The following CDH12 variants were observed in gnomAD, a reference collection of about 807,000 sequenced individuals.
CDH12 encodes cadherin 12.
A neutral mutation model predicts 74.1 loss-of-function variants in CDH12; 41 were observed. That is an observed-to-expected ratio of 0.55 (90% CI 0.43 to 0.72). The LOEUF (loss-of-function observed/expected upper bound fraction) is 0.72, where lower values mean the gene tolerates loss of function less well. CDH12 is among the 30% of genes least tolerant of loss of function. The probability of loss-of-function intolerance (pLI) is 0.00; values close to 1 mark genes in which losing one functional copy is unlikely to be tolerated. For synonymous variants in CDH12, 399 were observed against 355.0 expected (o/e 1.12, Z -1.39); for missense variants, 945 against 977.2 (o/e 0.97, Z 0.44).
intron 4 of CDH12, among the ~76,000 whole-genome samples, chr5:22,191,877 T>C (rs1161185640): frequency 4.6e-5 from 7 of 152,020 alleles, no homozygotes; most frequent in Admixed American, 4.6e-4. Context: ...CAATGGTCTT[T>C]AAAGAACAGA....
intron 1 of CDH12, among the ~76,000 whole-genome samples, chr5:22,798,407 A>G (rs1393905833): frequency 6.6e-6 from 1 of 152,158 alleles, no homozygotes; most frequent in Non-Finnish European, 1.5e-5. Context: ...TTTAAATTTT[A>G]CAAACAGTGC....
intron 1 of CDH12, among the ~76,000 whole-genome samples, chr5:22,600,838 C>T (rs533650217): frequency 6.6e-6 from 1 of 152,112 alleles, no homozygotes; most frequent in East Asian, 1.9e-4. Flanking sequence ...AAATGTGTGA[C>T]TTACAGTAAT....
intron 1 of CDH12, among the ~76,000 whole-genome samples, chr5:22,775,082 A>G (rs1213554241): frequency 6.6e-6 from 1 of 151,610 alleles, no homozygotes; most frequent in Non-Finnish European, 1.5e-5. Context: ...TATATATTAT[A>G]TAACACACAC....
At chr5:22,731,503 A>G (rs964195701) in intron 1 of CDH12, among the ~76,000 whole-genome samples, 1 of 151,898 alleles carries the variant, frequency 6.6e-6, no homozygotes, top group African/African-American at 2.4e-5. Context: ...ATTAGTAGAT[A>G]CACATCTTTC....
intron 3 of CDH12, among the ~76,000 whole-genome samples, chr5:22,353,308 A>C (rs985165241): frequency 6.6e-6 from 1 of 152,198 alleles, no homozygotes; most frequent in Non-Finnish European, 1.5e-5. Context: ...ATTACAGAGA[A>C]TGACTGAACC....
intron 2 of CDH12, among the ~76,000 whole-genome samples, chr5:22,472,865 C>A (rs1443898090): frequency 6.6e-6 from 1 of 152,106 alleles, no homozygotes. Context: ...TATTCAGGAA[C>A]CAGGGACATC....
intron 4 of CDH12, among the ~76,000 whole-genome samples, chr5:22,101,103 A>G (rs189420250): frequency 8.5e-4 from 130 of 152,292 alleles, no homozygotes; most frequent in African/African-American, 3.0e-3. Context: ...TGACGCACCA[A>G]GAAAATAAAA....
intron 6 of CDH12, chr5:21,882,749 T>A (rs1561270822): frequency 1.2e-6 from 2 of 1,605,716 alleles, no homozygotes; most frequent in African/African-American, 2.7e-5. Context: ...CTGTGGCCGT[T>A]ACAATGGAGC....
At chr5:22,400,150 A>G (rs1742656704) in intron 3 of CDH12, among the ~76,000 whole-genome samples, 1 of 152,126 alleles carries the variant, frequency 6.6e-6, no homozygotes, top group Admixed American at 6.6e-5. Context: ...TTCTTAGTGA[A>G]TCACTGATTT....
intron 1 of CDH12, among the ~76,000 whole-genome samples, chr5:22,792,325 G>C (rs927412477): frequency 1.3e-5 from 2 of 152,094 alleles, no homozygotes; most frequent in Non-Finnish European, 2.9e-5. Context: ...CTGACCTCAG[G>C]TGATCTGCCT....
intron 4 of CDH12, among the ~76,000 whole-genome samples, chr5:22,182,853 C>T (rs1340056330): frequency 1.3e-5 from 2 of 151,666 alleles, no homozygotes; most frequent in African/African-American, 2.4e-5. Context: ...ACTTTCTCTA[C>T]AACTGATTAG....
Position 22,701,266 on chromosome 5 carries a change from A to G in CDH12, c.-523+151792T>C, listed in dbSNP as rs548843632. ...CTCTCTAAGTTCTCCCATATCAGCA[A>G]ATTGCACCCTCATTGATTTATAATC... On this transcript the variant is annotated intron_variant, in intron 1 of 14. Transcript: ENST00000382254. Among the ~76,000 whole-genome samples the G allele has an allele frequency of 2.6e-5, 4 of 152,236 alleles. No homozygotes were observed. The East Asian group carries it at 7.7e-4, about 29-fold the overall frequency.
At chr5:22,336,588 G>A (rs1423721029) in intron 3 of CDH12, among the ~76,000 whole-genome samples, 1 of 152,204 alleles carries the variant, frequency 6.6e-6, no homozygotes, top group Non-Finnish European at 1.5e-5. Context: ...CTTGGGCCAT[G>A]GCTTCAGAGG....
At chr5:22,497,597 G>T (rs1344330649) in intron 2 of CDH12, among the ~76,000 whole-genome samples, 1 of 147,920 alleles carries the variant, frequency 6.8e-6, no homozygotes, top group African/African-American at 2.5e-5. Flanking sequence ...AACCATCAAG[G>T]TCCTTCCAAT....
intron 1 of CDH12, among the ~76,000 whole-genome samples, chr5:22,685,816 G>A (rs1741763252): frequency 6.6e-6 from 1 of 152,118 alleles, no homozygotes; most frequent in Non-Finnish European, 1.5e-5. Context: ...CATTTGGGTT[G>A]TTTCCACTCT....
At chr5:22,189,478 T>C (rs1750140675) in intron 4 of CDH12, among the ~76,000 whole-genome samples, 1 of 152,124 alleles carries the variant, frequency 6.6e-6, no homozygotes, top group Non-Finnish European at 1.5e-5. Flanking sequence ...AGATATTGCA[T>C]ACTGTATGCT....
chr5:22,541,380 T>C lies in CDH12; in HGVS notation c.-522-36016A>G, dbSNP rs111865021. Among the ~76,000 whole-genome samples the C allele has an allele frequency of 6.7e-3, 1,026 of 152,342 alleles. 11 individuals are homozygous for C. Among genetic ancestry groups the C allele is most frequent in the African/African-American group, 0.023 (946 of 41,590 alleles). On this transcript the variant is annotated intron_variant, in intron 1 of 14. Coordinates refer to ENST00000382254, the MANE Select transcript of CDH12 (RefSeq NM_004061.5). Reference sequence around the variant, plus strand: ...TCATCAAAATGATGCATAGCTCTCATGCCTAAAATAGACACCATTTTATAA... The same window carrying C: ...TCATCAAAATGATGCATAGCTCTCACGCCTAAAATAGACACCATTTTATAA...
intron 1 of CDH12, among the ~76,000 whole-genome samples, chr5:22,790,060 G>T (rs1363029697): frequency 6.6e-6 from 1 of 152,018 alleles, no homozygotes; most frequent in Admixed American, 6.6e-5. Context: ...GAATCAGCCT[G>T]CTTTTAAGTC....
At chr5:22,018,561 A>G (rs1310510056) in intron 5 of CDH12, among the ~76,000 whole-genome samples, 1 of 152,248 alleles carries the variant, frequency 6.6e-6, no homozygotes, top group African/African-American at 2.4e-5. Flanking sequence ...AATAGCAAGT[A>G]GGTCCTCTGA....
Sources: allele counts gnomAD v4.1 joint callset (sites outside exome capture counted in the v4.1 genomes callset), GRCh38; gene constraint gnomAD v4.1.1; transcripts MANE v1.5; gene names NCBI Gene and HGNC (gene_info 2026-07-23, HGNC 2026-07-21).